The following FREM2 variants were observed in gnomAD, a reference collection of about 807,000 sequenced individuals.
FREM2 encodes FRAS1-related extracellular matrix protein 2.
A neutral mutation model predicts 219.9 loss-of-function variants in FREM2; 119 were observed. The ratio of observed to expected loss-of-function variants is 0.54; its 90% CI spans 0.47 to 0.63. FREM2 has a LOEUF of 0.63. Ranked by LOEUF, FREM2 falls within the 30% of genes least tolerant of loss-of-function variation. The pLI is 0.00. For missense variants in FREM2, 4,030 were observed against 3,993.6 expected, an observed-to-expected ratio of 1.01 and a Z score of -0.25; for synonymous variants, 1,562 against 1,522.8, an observed-to-expected ratio of 1.03 and a Z score of -0.60.
intron 8 of FREM2, 91 bp downstream of exon 8, chr13:38,848,761 ATTTG>A (rs940251795): frequency 3.2e-5 from 38 of 1,197,646 alleles, no homozygotes; most frequent in African/African-American, 1.5e-5. Flanking sequence ...GATTATATAT[ATTTG>A]TTTGTTTGCT....
At chr13:38,711,099 A>C (rs1870752260) in intron 2 of FREM2, among the ~76,000 whole-genome samples, 1 of 152,074 alleles carries the variant, frequency 6.6e-6, no homozygotes, top group Non-Finnish European at 1.5e-5. Context: ...TACCTTCTTG[A>C]TTTATGTTCT....
At position 38,880,801 on chromosome 13, in the gene FREM2, A is replaced by G. The variant is rs145331923; in HGVS notation, c.*14A>G. The stretch of plus-strand genomic sequence containing the variant: ...TCAGAAGTTTGATGACTGCAGGTAG[A>G]ATTCAACCTTTTCCGTAAGTGCCTC... On this transcript the variant is annotated 3_prime_UTR_variant, in exon 24 of 24. Transcript: ENST00000280481. 7 of 1,613,928 alleles carry G rather than the reference A, an allele frequency of 4.3e-6. No homozygotes were observed. The highest frequency in any genetic ancestry group is 4.5e-5 in the East Asian group (2 of 44,880).
At chr13:38,770,029 ATATT>A (rs749366939) in intron 4 of FREM2, among the ~76,000 whole-genome samples, 121 of 148,270 alleles carry the variant, frequency 8.2e-4, no homozygotes, top group Non-Finnish European at 1.3e-3. Context: ...TAATATATAA[ATATT>A]TATATAGTAT....
intron 6 of FREM2, among the ~76,000 whole-genome samples, chr13:38,826,683 C>T (rs1373250919): frequency 1.3e-5 from 2 of 152,130 alleles, no homozygotes; most frequent in Non-Finnish European, 2.9e-5. Flanking sequence ...CCATATTAAT[C>T]GTCATCTTTC....
chr13:38,855,563 A>G (rs1038707024), intron 11 of FREM2, among the ~76,000 whole-genome samples: 39 of 152,212 alleles, frequency 2.6e-4, no homozygotes, highest in African/African-American at 9.4e-4. Flanking sequence ...TCCTTCAGAT[A>G]AAATCGGCAT....
chr13:38,786,677 T>A lies in FREM2; in HGVS notation c.6019+1869T>A, dbSNP rs547003606. Among the ~76,000 whole-genome samples the A allele has an allele frequency of 6.6e-5, 10 of 152,250 alleles. No individual in the cohort carries two copies. The East Asian group carries it at 1.7e-3, about 26-fold the overall frequency. On this transcript the variant is annotated intron_variant, in intron 6 of 23. Transcript: ENST00000280481. ...TCATGTTTACTTTAGTTCAGTTTGT[T>A]TTTTTTGGCAAAAAAATCTTTCCTG... is the stretch of plus-strand genomic sequence containing the variant.
In FREM2 at chr13:38,859,586, A is replaced by C; in HGVS notation, c.7515A>C (p.Glu2505Asp). ...GCCCTATTGTAACCATCAGCAGAGA[A>C]GAAGGTCAGTCATTGCCATTTTCCC... is the stretch of plus-strand genomic sequence containing the variant. ...LMSPIVTISR[E>D]EGLCQPRVPG... is the part of the protein sequence containing the mutation. The change falls in exon 14 of 24, where the codon GAA (glutamate) becomes GAC (aspartate). Residue 2505 changes from glutamate to aspartate, a missense_variant. Glu to Asp is a conservative substitution (Grantham distance 45, BLOSUM62 2). This residue lies in a region of FREM2 where 928 missense variants were observed against 1,042.9 expected (regional missense o/e 0.89). Coordinates refer to ENST00000280481, the MANE Select transcript of FREM2 (RefSeq NM_207361.6). The C allele has an allele frequency of 6.2e-7, 1 of 1,613,690 alleles. No individual in the cohort carries two copies. The highest frequency in any genetic ancestry group is 2.2e-5 in the East Asian group (1 of 44,866).
intron 6 of FREM2, 105 bp downstream of exon 6, chr13:38,784,913 A>G: frequency 2.4e-6 from 3 of 1,228,252 alleles, no homozygotes; most frequent in East Asian, 2.4e-5. Flanking sequence ...TAATATACAC[A>G]TTTATTTTAT....
At chr13:38,736,346 C>G (rs572727272) in intron 2 of FREM2, among the ~76,000 whole-genome samples, 2 of 152,018 alleles carry the variant, frequency 1.3e-5, no homozygotes, top group Non-Finnish European at 2.9e-5. Flanking sequence ...GAGAGGCTTA[C>G]GTATGAAGGG....
At chr13:38,722,553 C>T (rs914081916) in intron 2 of FREM2, among the ~76,000 whole-genome samples, 1 of 151,968 alleles carries the variant, frequency 6.6e-6, no homozygotes, top group African/African-American at 2.4e-5. Flanking sequence ...TTTTAGCATG[C>T]ATCAAAATAA....
Position 38,690,290 on chromosome 13 carries a change from T to G in FREM2, c.2946T>G (p.Thr982=). ...TNEETDDLML[T]FLLEDPPLYG... The stretch of plus-strand genomic sequence containing the variant: ...AGGAAACTGATGACTTGATGTTGAC[T>G]TTCCTCTTGGAAGATCCACCTTTGT... Residue 982 remains threonine, a synonymous_variant, in exon 1 of 24, where the codon ACT becomes ACG. Coordinates refer to ENST00000280481, the MANE Select transcript of FREM2 (RefSeq NM_207361.6). 1 of 1,614,242 alleles carries G rather than the reference T, an allele frequency of 6.2e-7. No homozygotes were observed. Among genetic ancestry groups the G allele is most frequent in the Non-Finnish European group, 8.5e-7 (1 of 1,180,038 alleles).
intron 2 of FREM2, among the ~76,000 whole-genome samples, chr13:38,739,689 A>G (rs1872158193): frequency 6.6e-6 from 1 of 152,084 alleles, no homozygotes; most frequent in South Asian, 2.1e-4. Context: ...CGGCACCCTC[A>G]CATCACCCAG....
chr13:38,785,597 A>G (rs1013239479), intron 6 of FREM2, among the ~76,000 whole-genome samples: 1 of 152,238 alleles, frequency 6.6e-6, no homozygotes, highest in Non-Finnish European at 1.5e-5. Context: ...AGAAGCTGGA[A>G]GACAGTCAAA....
chr13:38,759,339 T>C (rs1873138986), intron 2 of FREM2, among the ~76,000 whole-genome samples: 1 of 152,240 alleles, frequency 6.6e-6, no homozygotes, highest in African/African-American at 2.4e-5. Context: ...CAAGTCAAAA[T>C]TGTGGCACTA....
intron 6 of FREM2, among the ~76,000 whole-genome samples, chr13:38,809,661 T>C (rs1467682140): frequency 6.6e-6 from 1 of 152,046 alleles, no homozygotes; most frequent in African/African-American, 2.4e-5. Context: ...TTTTGGGTTA[T>C]CTTTTTTGTT....
chr13:38,780,140 G>T (rs943076101), intron 4 of FREM2, among the ~76,000 whole-genome samples: 1 of 152,066 alleles, frequency 6.6e-6, no homozygotes, highest in Admixed American at 6.5e-5. Context: ...TACCCAAATG[G>T]CTAATTTGAC....
chr13:38,848,780 C>A, intron 8 of FREM2, 110 bp downstream of exon 8: 1 of 990,118 alleles, frequency 1.0e-6, no homozygotes, highest in Non-Finnish European at 1.5e-6. Context: ...TTTGCTAGGG[C>A]TTCCATAACA....
chr13:38,836,596 C>A (rs1411989168), intron 6 of FREM2, among the ~76,000 whole-genome samples: 1 of 152,132 alleles, frequency 6.6e-6, no homozygotes, highest in Non-Finnish European at 1.5e-5. Context: ...GGTTTGTAGG[C>A]TATTAATTAC....
intron 6 of FREM2, among the ~76,000 whole-genome samples, chr13:38,825,245 A>G (rs1015121634): frequency 5.9e-5 from 9 of 152,068 alleles, no homozygotes; most frequent in African/African-American, 2.2e-4. Flanking sequence ...CTGTGTCTTT[A>G]TCATATCCCC....
Sources: gnomAD v4.1 joint callset for allele counts (sites outside exome capture counted in the v4.1 genomes callset) on GRCh38, gnomAD v4.1.1 for gene constraint, gnomAD v4.1.1 regional missense constraint, MANE v1.5 for transcripts, NCBI Gene and HGNC (gene_info 2026-07-23, HGNC 2026-07-21) for gene names.